The following STAC variants were observed in gnomAD, a reference collection of about 807,000 sequenced individuals.
The protein encoded by STAC is SH3 and cysteine-rich domain-containing protein.
In STAC, 43 loss-of-function variants were observed where a neutral mutation model predicts 48.8. The ratio of observed to expected loss-of-function variants is 0.88; its 90% CI spans 0.69 to 1.14. The LOEUF (loss-of-function observed/expected upper bound fraction) is 1.14, where lower values mean the gene tolerates loss of function less well. Ranked by LOEUF, STAC falls within the 50% of genes most tolerant of loss-of-function variation. STAC has a pLI of 0.00. For synonymous variants in STAC, 193 were observed against 179.5 expected (o/e 1.07, Z -0.60); for missense variants, 497 against 504.0 (o/e 0.99, Z 0.13).
chr3:36,391,282 C>G (rs1355616090), intron 1 of STAC, among the ~76,000 whole-genome samples: 1 of 152,180 alleles, frequency 6.6e-6, no homozygotes, highest in Non-Finnish European at 1.5e-5. Context: ...GGCAATCTGT[C>G]CTCTGCCCAT....
At chr3:36,394,556 G>A (rs1699818119) in intron 1 of STAC, among the ~76,000 whole-genome samples, 1 of 152,138 alleles carries the variant, frequency 6.6e-6, no homozygotes, top group African/African-American at 2.4e-5. Context: ...AGAAAGCTAT[G>A]GTAGTCCAGA....
intron 10 of STAC, among the ~76,000 whole-genome samples, chr3:36,536,534 G>A (rs1017017291): frequency 6.6e-6 from 1 of 152,084 alleles, no homozygotes; most frequent in African/African-American, 2.4e-5. Context: ...TGGGAAGTGG[G>A]CTAGCCATAT....
rs141063393 is a variant in STAC at position 36,513,897 on chromosome 3, G to A, written c.920+8063G>A. ...GAGAGAGAATATATGAGCATTCACT[G>A]AATGTTTAAGAATAAAAAGTGTGGG... On this transcript the variant is annotated intron_variant, in intron 8 of 10. Coordinates refer to ENST00000273183, the MANE Select transcript of STAC (RefSeq NM_003149.3). Among the ~76,000 whole-genome samples the A allele has an allele frequency of 1.5e-3, 231 of 152,106 alleles. 1 individual carries two copies. Among genetic ancestry groups the A allele is most frequent in the African/African-American group, 5.4e-3 (224 of 41,500 alleles).
At chr3:36,476,620 T>C (rs1363062019) in intron 2 of STAC, among the ~76,000 whole-genome samples, 1 of 152,206 alleles carries the variant, frequency 6.6e-6, no homozygotes, top group Non-Finnish European at 1.5e-5. Context: ...TGTGTTAGTG[T>C]ATATTCAAGG....
chr3:36,479,405 T>G (rs1697585286), intron 2 of STAC, among the ~76,000 whole-genome samples: 1 of 152,196 alleles, frequency 6.6e-6, no homozygotes, highest in African/African-American at 2.4e-5. Context: ...AAATATATGT[T>G]AAACTCTCAT....
At chr3:36,519,171 G>A (rs1221368565) in intron 8 of STAC, among the ~76,000 whole-genome samples, 1 of 152,176 alleles carries the variant, frequency 6.6e-6, no homozygotes, top group Non-Finnish European at 1.5e-5. Context: ...CCAAATCAGG[G>A]GCAAAGGCAA....
chr3:36,508,753 T>C (rs1698465318), intron 8 of STAC, among the ~76,000 whole-genome samples: 1 of 152,070 alleles, frequency 6.6e-6, no homozygotes, highest in Admixed American at 6.6e-5. Flanking sequence ...TGCTTTTTTT[T>C]CTTTCCATTT....
chr3:36,527,474 A>G (rs561936045), intron 8 of STAC, among the ~76,000 whole-genome samples: 1 of 152,284 alleles, frequency 6.6e-6, no homozygotes, highest in South Asian at 2.1e-4. Flanking sequence ...AATTCTCAGT[A>G]TTATGATAAA....
intron 1 of STAC, among the ~76,000 whole-genome samples, chr3:36,414,178 T>G (rs1390304653): frequency 6.6e-6 from 1 of 152,190 alleles, no homozygotes; most frequent in Non-Finnish European, 1.5e-5. Context: ...TCAAGGAGTA[T>G]CTTTGTGGCA....
chr3:36,436,499 G>A (rs746528231), intron 1 of STAC, among the ~76,000 whole-genome samples: 5 of 152,026 alleles, frequency 3.3e-5, no homozygotes, highest in Non-Finnish European at 5.9e-5. Flanking sequence ...CAGACGCACC[G>A]ACCTCCCAGT....
At chr3:36,512,156 G>A (rs1028199877) in intron 8 of STAC, among the ~76,000 whole-genome samples, 2 of 152,116 alleles carry the variant, frequency 1.3e-5, no homozygotes, top group African/African-American at 2.4e-5. Flanking sequence ...CTCTATTGCT[G>A]AGTAAAATCG....
intron 1 of STAC, among the ~76,000 whole-genome samples, chr3:36,385,765 G>A (rs989075602): frequency 2.6e-5 from 4 of 151,998 alleles, no homozygotes; most frequent in African/African-American, 9.7e-5. Flanking sequence ...AATATTTTAT[G>A]CCTGACTTCT....
chr3:36,444,183 T>C (rs1696440380), intron 2 of STAC, among the ~76,000 whole-genome samples: 1 of 152,210 alleles, frequency 6.6e-6, no homozygotes, highest in Admixed American at 6.5e-5. Context: ...CTTGTTCTTG[T>C]TTTCAGAAAA....
At chr3:36,525,902 T>G (rs192887107) in intron 8 of STAC, among the ~76,000 whole-genome samples, 68 of 152,352 alleles carry the variant, frequency 4.5e-4, no homozygotes, top group African/African-American at 1.6e-3. Context: ...GAATTGAAAA[T>G]GACAGCAAAG....
chr3:36,393,546 T>C (rs1699795274), intron 1 of STAC, among the ~76,000 whole-genome samples: 1 of 151,830 alleles, frequency 6.6e-6, no homozygotes, highest in Admixed American at 6.6e-5. Context: ...AAAATTATGT[T>C]GAAACTCTAA....
chr3:36,506,810 TA>T (rs1425866599), intron 8 of STAC, among the ~76,000 whole-genome samples: 3 of 152,206 alleles, frequency 2.0e-5, no homozygotes, highest in Non-Finnish European at 4.4e-5. Flanking sequence ...CCTATCAGCT[TA>T]AGGAGATTTT....
chr3:36,523,110 C>G (rs11711958), intron 8 of STAC, among the ~76,000 whole-genome samples: 1 of 152,122 alleles, frequency 6.6e-6, no homozygotes, highest in South Asian at 2.1e-4. Flanking sequence ...TTGGTTCTCA[C>G]GCACATGTGT....
At chr3:36,437,536 C>T (rs1379299465) in intron 1 of STAC, among the ~76,000 whole-genome samples, 2 of 147,298 alleles carry the variant, frequency 1.4e-5, no homozygotes, top group Non-Finnish European at 3.0e-5. Context: ...ACAAAAAAAC[C>T]AAACACCACA....
chr3:36,454,223 C>T (rs1027634690), intron 2 of STAC, among the ~76,000 whole-genome samples: 1 of 152,142 alleles, frequency 6.6e-6, no homozygotes, highest in African/African-American at 2.4e-5. Context: ...CTCTTTGGGT[C>T]CACACTGCCC....
Sources: gnomAD v4.1 joint callset for allele counts (sites outside exome capture counted in the v4.1 genomes callset) on GRCh38, gnomAD v4.1.1 for gene constraint, MANE v1.5 for transcripts, NCBI Gene and HGNC (gene_info 2026-07-23, HGNC 2026-07-21) for gene names.